Variants in PDZRN3 observed in about 807,000 individuals in gnomAD.
PDZRN3 encodes the protein E3 ubiquitin-protein ligase PDZRN3.
A neutral mutation model predicts 85.7 loss-of-function variants in PDZRN3; 38 were observed. That is an observed-to-expected ratio of 0.44 (90% confidence interval 0.34 to 0.58). The LOEUF (loss-of-function observed/expected upper bound fraction) is 0.58. Among genes scored for constraint, PDZRN3 ranks in the 20% least tolerant of loss-of-function variants. PDZRN3 has a pLI of 0.01. For missense variants in PDZRN3, 1,629 were observed against 1,506.4 expected, an observed-to-expected ratio of 1.08 and a Z score of -1.35; for synonymous variants, 759 against 638.0, an observed-to-expected ratio of 1.19 and a Z score of -2.86.
chr3:73,560,537 A>G (rs1229184047), intron 3 of PDZRN3, among the ~76,000 whole-genome samples: 1 of 152,232 alleles, frequency 6.6e-6, no homozygotes, highest in Non-Finnish European at 1.5e-5. Context: ...ATACCTGCTC[A>G]ATGGCATGTC....
intron 1 of PDZRN3, among the ~76,000 whole-genome samples, chr3:73,622,254 G>A (rs1326877827): frequency 6.6e-6 from 1 of 152,202 alleles, no homozygotes; most frequent in East Asian, 1.9e-4. Flanking sequence ...TGCTGAGACT[G>A]CAGCTGACAG....
chr3:73,393,130 C>A (rs1314837777), intron 5 of PDZRN3, among the ~76,000 whole-genome samples: 1 of 152,050 alleles, frequency 6.6e-6, no homozygotes, highest in Non-Finnish European at 1.5e-5. Context: ...TGTAGCTCGC[C>A]CAGTGCTACC....
At chr3:73,477,586 G>A (rs78011832) in intron 3 of PDZRN3, among the ~76,000 whole-genome samples, 2,471 of 152,098 alleles carry the variant, frequency 0.016, 68 homozygotes, top group African/African-American at 0.056. Flanking sequence ...GAAAACAAAC[G>A]CTCATGAGCA....
chr3:73,584,868 T>C (rs1437267879), intron 3 of PDZRN3, among the ~76,000 whole-genome samples: 1 of 152,130 alleles, frequency 6.6e-6, no homozygotes, highest in Non-Finnish European at 1.5e-5. Context: ...GTAATTGGGA[T>C]ATCACCCACT....
At chr3:73,491,265 C>T (rs114106680) in intron 3 of PDZRN3, among the ~76,000 whole-genome samples, 3,533 of 150,730 alleles carry the variant, frequency 0.023, 113 homozygotes, top group African/African-American at 0.073. Context: ...CTAAGATTAG[C>T]CTATAAATGA....
At chr3:73,492,996 T>TTC (rs1703801064) in intron 3 of PDZRN3, among the ~76,000 whole-genome samples, 1 of 150,454 alleles carries the variant, frequency 6.6e-6, no homozygotes, top group Admixed American at 6.6e-5. Context: ...TTTTTTTTTT[T>TTC]TTTTTTGGCC....
chr3:73,430,447 T>C (rs1425796691), intron 3 of PDZRN3, among the ~76,000 whole-genome samples: 1 of 152,192 alleles, frequency 6.6e-6, no homozygotes, highest in African/African-American at 2.4e-5. Flanking sequence ...GTCACCATTT[T>C]ACAAAAAGTC....
chr3:73,562,782 T>C (rs1318650511), intron 3 of PDZRN3, among the ~76,000 whole-genome samples: 3 of 151,664 alleles, frequency 2.0e-5, no homozygotes, highest in African/African-American at 7.3e-5. Context: ...CTTTTTAATT[T>C]GGGGAAAGGG....
chr3:73,500,375 T>A (rs1472900021), intron 3 of PDZRN3, among the ~76,000 whole-genome samples: 4 of 152,156 alleles, frequency 2.6e-5, no homozygotes, highest in African/African-American at 7.2e-5. Context: ...ATTATTTTTT[T>A]AATCTGTCAC....
intron 3 of PDZRN3, among the ~76,000 whole-genome samples, chr3:73,517,291 A>C (rs1280452394): frequency 6.6e-6 from 1 of 152,236 alleles, no homozygotes; most frequent in Non-Finnish European, 1.5e-5. Context: ...ATTCAGAACA[A>C]ATCACAGTTT....
chr3:73,431,536 A>G (rs1223669627), intron 3 of PDZRN3, among the ~76,000 whole-genome samples: 2 of 152,228 alleles, frequency 1.3e-5, no homozygotes, highest in African/African-American at 4.8e-5. Context: ...GCTTTGCATA[A>G]TAAGAGCGAG....
chr3:73,390,235 T>C (rs79354694), intron 6 of PDZRN3, among the ~76,000 whole-genome samples: 3,664 of 152,306 alleles, frequency 0.024, 162 homozygotes, highest in African/African-American at 0.082. Context: ...GACTAGCAAC[T>C]ATACCTTATT....
chr3:73,432,842 T>C (rs1248012420), intron 3 of PDZRN3, among the ~76,000 whole-genome samples: 1 of 152,150 alleles, frequency 6.6e-6, no homozygotes, highest in African/African-American at 2.4e-5. Flanking sequence ...CAAGACACAT[T>C]TGAAGAATGA....
chr3:73,606,853 G>T (rs1211521807), intron 2 of PDZRN3, among the ~76,000 whole-genome samples: 1 of 152,188 alleles, frequency 6.6e-6, no homozygotes, highest in Non-Finnish European at 1.5e-5. Flanking sequence ...TGGGCTAAAA[G>T]CAAAGGGAAT....
intron 3 of PDZRN3, among the ~76,000 whole-genome samples, chr3:73,499,611 G>A (rs1043660240): frequency 2.6e-5 from 4 of 152,168 alleles, no homozygotes; most frequent in African/African-American, 4.8e-5. Context: ...CTAGTCAATC[G>A]CTAGATAAGA....
At position 73,384,633 on chromosome 3, in the gene PDZRN3, G is replaced by A. The variant is rs576916211; in HGVS notation, c.1933C>T (p.Arg645Cys). ...TTGAGCTCCAGGAGCTCGCGGAAGCGCTCGCACTCGTCCACCGGGATCCCC... is the reference window on the plus strand; with the variant it reads ...TTGAGCTCCAGGAGCTCGCGGAAGCACTCGCACTCGTCCACCGGGATCCCC... Reference protein sequence around the residue: ...YLGIPVDECERFRELLELKCQ... With the variant: ...YLGIPVDECECFRELLELKCQ... Residue 645 changes from arginine to cysteine, a missense_variant, in exon 10 of 10, where the codon CGC (arginine) becomes TGC (cysteine). Transcript: ENST00000263666. 5.6e-6 allele frequency: 9 copies of A among 1,613,822 alleles called. No homozygotes were observed. Among genetic ancestry groups the A allele is most frequent in the South Asian group, 2.2e-5 (2 of 91,068 alleles).
chr3:73,602,816 C>T (rs1041649433), intron 2 of PDZRN3, among the ~76,000 whole-genome samples: 6 of 152,216 alleles, frequency 3.9e-5, no homozygotes, highest in Non-Finnish European at 7.3e-5. Flanking sequence ...TTATGCTAGT[C>T]TGACTCTTAT....
chr3:73,428,417 TAACA>T (rs1288616556), intron 3 of PDZRN3, among the ~76,000 whole-genome samples: 3 of 152,208 alleles, frequency 2.0e-5, no homozygotes, highest in Admixed American at 6.5e-5. Flanking sequence ...TCACTCTTCC[TAACA>T]AACACTACAA....
At chr3:73,570,062 T>C (rs1053177699) in intron 3 of PDZRN3, among the ~76,000 whole-genome samples, 1 of 152,182 alleles carries the variant, frequency 6.6e-6, no homozygotes, top group Admixed American at 6.5e-5. Context: ...TTCCAAGCCC[T>C]TATACTACCC....
Sources: gnomAD v4.1 joint callset for allele counts (sites outside exome capture counted in the v4.1 genomes callset) on GRCh38, gnomAD v4.1.1 for gene constraint, MANE v1.5 for transcripts, NCBI Gene and HGNC (gene_info 2026-07-23, HGNC 2026-07-21) for gene names.